Variants in NELL1 observed in about 807,000 individuals in gnomAD.
NELL1 encodes the protein protein kinase C-binding protein NELL1.
A neutral mutation model predicts 107.4 loss-of-function variants in NELL1; 76 were observed. That is an observed-to-expected ratio of 0.71 (90% CI 0.59 to 0.86). The LOEUF is 0.86. Among genes scored for constraint, NELL1 ranks in the 40% least tolerant of loss-of-function variants. NELL1 has a pLI of 0.00. For synonymous variants in NELL1, 353 were observed against 341.2 expected (o/e 1.03, Z -0.38); for missense variants, 1,024 against 1,005.5 (o/e 1.02, Z -0.25).
chr11:20,670,742 G>A (rs1368573184), intron 1 of NELL1: 1 of 152,268 alleles, frequency 6.6e-6, no homozygotes, highest in African/African-American at 2.4e-5. Context: ...TCAACTGGGG[G>A]GAGTGTCGGA....
chr11:21,445,761 G>A (rs1853410007), intron 15 of NELL1, among the ~76,000 whole-genome samples: 1 of 152,168 alleles, frequency 6.6e-6, no homozygotes, highest in Admixed American at 6.5e-5. Context: ...TTCAGCTTTT[G>A]CTGTCTGGAA....
intron 14 of NELL1, among the ~76,000 whole-genome samples, chr11:21,316,955 A>G (rs1294534932): frequency 1.3e-5 from 2 of 152,258 alleles, no homozygotes; most frequent in South Asian, 2.1e-4. Flanking sequence ...GAGTTTTTAT[A>G]TTATGTAGGT....
Position 21,575,058 on chromosome 11 carries a change from G to A in NELL1, c.*36G>A, listed in dbSNP as rs8176797. On this transcript the variant is annotated 3_prime_UTR_variant, in exon 20 of 20. Coordinates refer to ENST00000357134, the MANE Select transcript of NELL1 (RefSeq NM_006157.5). ...GTGGACTCAACGCAGAAGAATGGAC[G>A]AAATGACCATCCAACGTGATTAAGG... 43,757 of 1,537,914 alleles carry A rather than the reference G, an allele frequency of 0.028. 2,631 individuals carry two copies. Among genetic ancestry groups the A allele is most frequent in the African/African-American group, 0.23 (17,078 of 73,280 alleles).
chr11:21,318,390 A>C (rs1345388645), intron 14 of NELL1, among the ~76,000 whole-genome samples: 1 of 152,194 alleles, frequency 6.6e-6, no homozygotes, highest in African/African-American at 2.4e-5. Flanking sequence ...TTTGAAGGAC[A>C]CAGAATAGTT....
At chr11:21,032,483 G>A (rs920769716) in intron 12 of NELL1, among the ~76,000 whole-genome samples, 1 of 152,130 alleles carries the variant, frequency 6.6e-6, no homozygotes, top group African/African-American at 2.4e-5. Flanking sequence ...CCACCTCCCG[G>A]GTTCAACTGA....
chr11:20,695,055 A>G (rs1420016206), intron 2 of NELL1, among the ~76,000 whole-genome samples: 1 of 151,882 alleles, frequency 6.6e-6, no homozygotes, highest in Non-Finnish European at 1.5e-5. Context: ...TTGTGCATAT[A>G]TTATAAATGG....
At chr11:20,834,173 A>T (rs1169501796) in intron 3 of NELL1, among the ~76,000 whole-genome samples, 1 of 152,134 alleles carries the variant, frequency 6.6e-6, no homozygotes, top group Admixed American at 6.5e-5. Flanking sequence ...TAAGATAAGG[A>T]TGATAGCTGT....
intron 17 of NELL1, 51 bp from the exon 18 acceptor site, chr11:21,570,713 T>G: frequency 6.5e-7 from 1 of 1,547,126 alleles, no homozygotes. Context: ...TTAGTGTAGC[T>G]GTCCATCATG....
chr11:20,708,550 G>C (rs1175194564), intron 2 of NELL1, among the ~76,000 whole-genome samples: 1 of 151,920 alleles, frequency 6.6e-6, no homozygotes, highest in Non-Finnish European at 1.5e-5. Context: ...CATGTCCTTT[G>C]CTTACTTTTT....
chr11:21,267,608 A>G (rs1249200972), intron 14 of NELL1, among the ~76,000 whole-genome samples: 1 of 151,708 alleles, frequency 6.6e-6, no homozygotes, highest in African/African-American at 2.4e-5. Context: ...CAGTCTGAGT[A>G]TGTTCCTGGG....
Position 21,024,057 on chromosome 11 carries a change from G to A in NELL1, c.1300+63497G>A, listed in dbSNP as rs992419030. On this transcript the variant is annotated intron_variant, in intron 12 of 19. Coordinates refer to ENST00000357134, the MANE Select transcript of NELL1 (RefSeq NM_006157.5). ...AAAGCCTTGCTACAAAAAAGATAGC[G>A]ATTTACTTCTCAAAAGTAATAACAA... is the stretch of plus-strand genomic sequence containing the variant. 4.6e-5 allele frequency among the ~76,000 whole-genome samples: 7 copies of A among 151,974 alleles called. No homozygotes were observed. The South Asian group carries it at 8.3e-4, about 18-fold the overall frequency.
At chr11:21,491,926 T>C (rs1362492992) in intron 15 of NELL1, among the ~76,000 whole-genome samples, 2 of 152,248 alleles carry the variant, frequency 1.3e-5, no homozygotes, top group East Asian at 1.9e-4. Context: ...CCCTTGTAAG[T>C]TGGATTCCTA....
At chr11:21,120,989 T>G (rs1410243734) in intron 13 of NELL1, among the ~76,000 whole-genome samples, 2 of 152,122 alleles carry the variant, frequency 1.3e-5, no homozygotes, top group African/African-American at 4.8e-5. Flanking sequence ...CCTAATTCTT[T>G]ATGGCAGAGA....
chr11:20,714,583 A>G (rs916668326), intron 2 of NELL1, among the ~76,000 whole-genome samples: 1 of 149,506 alleles, frequency 6.7e-6, no homozygotes, highest in Non-Finnish European at 1.5e-5. Flanking sequence ...GTGCAGTGGC[A>G]TGTTGCCAGC....
At chr11:21,188,065 C>G (rs1355192405) in intron 13 of NELL1, among the ~76,000 whole-genome samples, 1 of 151,820 alleles carries the variant, frequency 6.6e-6, no homozygotes, top group Non-Finnish European at 1.5e-5. Context: ...GTTTCCTTCC[C>G]TTTACTTTTA....
intron 15 of NELL1, among the ~76,000 whole-genome samples, chr11:21,374,704 T>C (rs1032143965): frequency 6.6e-6 from 1 of 152,088 alleles, no homozygotes; most frequent in African/African-American, 2.4e-5. Context: ...GATTTTAAAC[T>C]CCTTGCTTTG....
intron 12 of NELL1, among the ~76,000 whole-genome samples, chr11:21,077,323 G>A (rs982096735): frequency 3.9e-5 from 6 of 151,986 alleles, no homozygotes; most frequent in African/African-American, 1.4e-4. Flanking sequence ...AGGAAATAAA[G>A]ATATATATCA....
intron 12 of NELL1, among the ~76,000 whole-genome samples, chr11:21,040,199 C>T (rs1225857724): frequency 6.6e-6 from 1 of 151,110 alleles, no homozygotes; most frequent in Non-Finnish European, 1.5e-5. Context: ...TAATACTAGG[C>T]ATCATGTGAA....
intron 15 of NELL1, among the ~76,000 whole-genome samples, chr11:21,485,758 T>C (rs1854612622): frequency 6.6e-6 from 1 of 151,898 alleles, no homozygotes; most frequent in Non-Finnish European, 1.5e-5. Flanking sequence ...TTACAGACAG[T>C]GCCAGAACAT....
Sources: allele counts gnomAD v4.1 joint callset (sites outside exome capture counted in the v4.1 genomes callset), GRCh38; gene constraint gnomAD v4.1.1; transcripts MANE v1.5; gene names NCBI Gene and HGNC (gene_info 2026-07-23, HGNC 2026-07-21).